SLC17A8: variants seen among roughly 807,000 people sequenced by gnomAD.
The protein encoded by SLC17A8 is vesicular glutamate transporter 3.
In SLC17A8, 31 loss-of-function variants were observed where a neutral mutation model predicts 58.0. The observed-to-expected ratio is 0.53, with a 90% CI of 0.40 to 0.72. The LOEUF is 0.72. SLC17A8 is among the 30% of genes least tolerant of loss of function. SLC17A8 has a pLI of 0.00. For synonymous variants in SLC17A8, 228 were observed against 249.0 expected, an observed-to-expected ratio of 0.92 and a Z score of 0.79; for missense variants, 655 against 727.8, an observed-to-expected ratio of 0.90 and a Z score of 1.15.
intron 6 of SLC17A8, 34 bp downstream of exon 6, chr12:100,401,897 C>A: frequency 1.3e-6 from 2 of 1,518,362 alleles, no homozygotes; most frequent in Non-Finnish European, 1.8e-6. Context: ...TCACATGTGA[C>A]TCATAGAGAT....
rs1952879059 is a variant in SLC17A8, at chr12:100,412,762, A to G, written c.1187-8A>G. On this transcript the variant is annotated splice_polypyrimidine_tract_variant and splice_region_variant and intron_variant, in intron 9 of 11. Coordinates refer to ENST00000323346, the MANE Select transcript of SLC17A8 (RefSeq NM_139319.3). ...GACATTTTTTTCCCTTGCTGTTTCCATTTGCAGGTTTTGGCATGGAGGCAA... is the reference window on the plus strand; with the variant it reads ...GACATTTTTTTCCCTTGCTGTTTCCGTTTGCAGGTTTTGGCATGGAGGCAA... 6.2e-7 allele frequency: 1 copy of G among 1,603,042 alleles called. No homozygotes were observed. Among genetic ancestry groups the G allele is most frequent in the Non-Finnish European group, 8.5e-7 (1 of 1,170,048 alleles).
intron 2 of SLC17A8, among the ~76,000 whole-genome samples, chr12:100,389,125 C>T (rs1422998030): frequency 6.6e-6 from 1 of 152,160 alleles, no homozygotes; most frequent in African/African-American, 2.4e-5. Context: ...GTTACTTTAC[C>T]TGGGAAAGAA....
At chr12:100,382,636 G>A (rs2135987620) in intron 2 of SLC17A8, among the ~76,000 whole-genome samples, 1 of 152,282 alleles carries the variant, frequency 6.6e-6, no homozygotes, top group South Asian at 2.1e-4. Flanking sequence ...GGAAATCACT[G>A]CACTGCAGGC....
chr12:100,377,586 T>TATATA (rs57938207), intron 1 of SLC17A8, among the ~76,000 whole-genome samples: 289 of 43,230 alleles, frequency 6.7e-3, no homozygotes, highest in African/African-American at 0.02. Context: ...TATATATATA[T>TATATA]TTTTTTTTTT....
intron 1 of SLC17A8, among the ~76,000 whole-genome samples, chr12:100,378,365 G>A (rs1952609058): frequency 6.6e-6 from 1 of 152,138 alleles, no homozygotes; most frequent in Non-Finnish European, 1.5e-5. Flanking sequence ...CATGAGGAGG[G>A]CATTGATAAC....
At position 100,380,794 on chromosome 12, in the gene SLC17A8, C is replaced by T. The variant is rs755036658; in HGVS notation, c.195C>T (p.Cys65=). Residue 65 remains cysteine, a synonymous_variant, in exon 2 of 12, where the codon TGC becomes TGT. Coordinates refer to ENST00000323346, the MANE Select transcript of SLC17A8 (RefSeq NM_139319.3). ...CGTCCAGGCCAAGCCCCCCACTCTGCGACTGCCACTGCTGCGGCCTCCCCA... is the reference window on the plus strand; with the variant it reads ...CGTCCAGGCCAAGCCCCCCACTCTGTGACTGCCACTGCTGCGGCCTCCCCA... The part of the protein sequence containing the change: ...VQTSRPSPPL[C]DCHCCGLPKR... 16 of 1,614,012 alleles carry T rather than the reference C, an allele frequency of 9.9e-6. No homozygotes were observed. The highest frequency in any genetic ancestry group is 1.3e-5 in the African/African-American group (1 of 74,890).
chr12:100,374,073 G>A (rs181114617), intron 1 of SLC17A8, among the ~76,000 whole-genome samples: 6 of 152,236 alleles, frequency 3.9e-5, no homozygotes, highest in Non-Finnish European at 7.4e-5. Context: ...TTGTAGGGTC[G>A]GCTCATGTAT....
chr12:100,405,489 AG>A (rs1952820559), intron 9 of SLC17A8, among the ~76,000 whole-genome samples: 1 of 152,144 alleles, frequency 6.6e-6, no homozygotes. Context: ...TTATAAAAGG[AG>A]GAAGGAGGGT....
intron 1 of SLC17A8, among the ~76,000 whole-genome samples, chr12:100,366,022 A>G (rs1014089218): frequency 7.0e-6 from 1 of 142,396 alleles, no homozygotes; most frequent in Non-Finnish European, 1.5e-5. Context: ...AGAGTGTGGT[A>G]GTTCCCTGTC....
At chr12:100,415,613 C>A (rs866558361) in intron 10 of SLC17A8, among the ~76,000 whole-genome samples, 4 of 151,708 alleles carry the variant, frequency 2.6e-5, no homozygotes, top group Non-Finnish European at 5.9e-5. Flanking sequence ...TATATTTTTT[C>A]GAGACAGGGT....
chr12:100,394,763 A>G (rs1952740898), intron 4 of SLC17A8, among the ~76,000 whole-genome samples: 1 of 147,688 alleles, frequency 6.8e-6, no homozygotes, highest in Admixed American at 6.8e-5. Context: ...AAATTTAATT[A>G]TATATAGATT....
chr12:100,389,620 G>C (rs11110363), intron 2 of SLC17A8, among the ~76,000 whole-genome samples: 49,575 of 150,150 alleles, frequency 0.33, 9,568 homozygotes, highest in Non-Finnish European at 0.43. Context: ...TAGAGAGAGA[G>C]ACACACACAT....
At chr12:100,393,526 AGC>A in intron 4 of SLC17A8, 43 bp downstream of exon 4, 1 of 1,398,028 alleles carries the variant, frequency 7.2e-7, no homozygotes, top group Non-Finnish European at 1.0e-6. Context: ...TGCTAGAGAC[AGC>A]GCAGTCCTTT....
intron 5 of SLC17A8, among the ~76,000 whole-genome samples, chr12:100,400,998 C>CTTTTTTTTT (rs4015907): frequency 1.8e-5 from 2 of 113,074 alleles, no homozygotes; most frequent in Non-Finnish European, 1.8e-5. Context: ...CACCCCTCAC[C>CTTTTTTTTT]TTTTTTTTTT....
chr12:100,417,315 A>G (rs1317696704), intron 10 of SLC17A8, among the ~76,000 whole-genome samples: 2 of 152,356 alleles, frequency 1.3e-5, no homozygotes, highest in East Asian at 3.9e-4. Context: ...GATATTTGCC[A>G]AGGGCTTCAC....
At chr12:100,383,711 CT>C (rs34969163) in intron 2 of SLC17A8, among the ~76,000 whole-genome samples, 2,104 of 143,946 alleles carry the variant, frequency 0.015, 53 homozygotes, top group East Asian at 0.13. Context: ...AGCGTGAACA[CT>C]TTTTTTTTTT....
At position 100,357,303 on chromosome 12, in the gene SLC17A8, G is replaced by C; in HGVS notation, c.-89G>C. 1.2e-6 allele frequency: 1 copy of C among 821,416 alleles called. No individual in the cohort carries two copies. The highest frequency in any genetic ancestry group is 2.2e-6 in the Non-Finnish European group (1 of 459,272). The allele number at this position is 821,416 out of a possible 1,614,324, so 50.9% of individuals were successfully genotyped here. A position where few individuals can be genotyped will look rare whatever the true frequency, so the allele number is the denominator to read the frequency against. On this transcript the variant is annotated 5_prime_UTR_variant, in exon 1 of 12. Transcript: ENST00000323346. ...ACTGACTTCCAGGTGTTCACCAAGG[G>C]AAACAAGGTGGTTCTCACACTGGAA...
intron 10 of SLC17A8, among the ~76,000 whole-genome samples, chr12:100,414,830 A>C (rs1952894874): frequency 1.3e-5 from 2 of 152,216 alleles, no homozygotes; most frequent in African/African-American, 4.8e-5. Flanking sequence ...AATCACCATA[A>C]GATATTTCAG....
intron 9 of SLC17A8, among the ~76,000 whole-genome samples, chr12:100,406,673 T>C (rs1309691676): frequency 2.0e-5 from 3 of 152,028 alleles, no homozygotes; most frequent in Non-Finnish European, 4.4e-5. Flanking sequence ...GTAGCTGGGA[T>C]TACAGGCATG....
Sources: gnomAD v4.1 joint callset for allele counts (sites outside exome capture counted in the v4.1 genomes callset) on GRCh38, gnomAD v4.1.1 for gene constraint, MANE v1.5 for transcripts, NCBI Gene and HGNC (gene_info 2026-07-23, HGNC 2026-07-21) for gene names.